The following WDR62 variants were observed in gnomAD, a reference collection of about 807,000 sequenced individuals.
WDR62 encodes WD repeat domain 62, also known as WD repeat-containing protein 62.
WDR62 carries 112 observed loss-of-function variants against 160.6 expected under a neutral mutation model. The observed-to-expected ratio is 0.70, with a 90% CI of 0.60 to 0.82. The LOEUF (loss-of-function observed/expected upper bound fraction) is 0.82, where lower values mean the gene tolerates loss of function less well. Among genes scored for constraint, WDR62 ranks in the 40% least tolerant of loss-of-function variants. The probability of loss-of-function intolerance (pLI) is 0.00; values close to 1 mark genes in which losing one functional copy is unlikely to be tolerated. For synonymous variants in WDR62, 792 were observed against 815.1 expected (o/e 0.97, Z 0.48); for missense variants, 1,819 against 1,983.8 (o/e 0.92, Z 1.58).
At chr19:36,083,586 C>G (rs1972033205) in intron 11 of WDR62, among the ~76,000 whole-genome samples, 1 of 152,104 alleles carries the variant, frequency 6.6e-6, no homozygotes, top group African/African-American at 2.4e-5. Context: ...GGAGGAGGGT[C>G]CTGGTGGCTC....
At chr19:36,111,054 C>T in the WDR62 span, 5 of 742,396 alleles carry the variant, frequency 6.7e-6, no homozygotes, top group Non-Finnish European at 1.1e-5. Flanking sequence ...CAGCTTAGTC[C>T]ACTCCCAGGG....
At chr19:36,088,197 T>G (rs756509246) in intron 13 of WDR62, among the ~76,000 whole-genome samples, 1 of 152,206 alleles carries the variant, frequency 6.6e-6, no homozygotes, top group African/African-American at 2.4e-5. Flanking sequence ...TTTATATTTG[T>G]TCTGTCATTT....
At chr19:36,064,222 A>G (rs199503328) in intron 3 of WDR62, among the ~76,000 whole-genome samples, 2 of 152,324 alleles carry the variant, frequency 1.3e-5, no homozygotes, top group Middle Eastern at 3.4e-3. Context: ...CCTGCATGTC[A>G]TAAGTCCAGA....
intron 10 of WDR62, 111 bp from the exon 11 acceptor site, chr19:36,082,952 C>A: frequency 2.1e-6 from 2 of 934,188 alleles, no homozygotes; most frequent in Non-Finnish European, 3.4e-6. Flanking sequence ...AAACTCCCAG[C>A]TCAAAATTAG....
downstream of WDR62, among the ~76,000 whole-genome samples, chr19:36,105,924 C>T (rs1211508043): frequency 1.3e-5 from 2 of 152,212 alleles, no homozygotes; most frequent in East Asian, 3.9e-4. Flanking sequence ...GTCTCAAACT[C>T]CTGACCTTGG....
intron 1 of WDR62, among the ~76,000 whole-genome samples, chr19:36,057,580 T>C (rs1970434460): frequency 6.6e-6 from 1 of 151,734 alleles, no homozygotes; most frequent in South Asian, 2.1e-4. Context: ...AATGGTGCCA[T>C]CTCAGCTCAC....
At chr19:36,064,463 T>C (rs1219621619) in intron 3 of WDR62, among the ~76,000 whole-genome samples, 1 of 151,720 alleles carries the variant, frequency 6.6e-6, no homozygotes, top group African/African-American at 2.4e-5. Context: ...GTATTTTTAG[T>C]ATAGACAGGG....
downstream of WDR62, among the ~76,000 whole-genome samples, chr19:36,107,114 C>A (rs1362553875): frequency 6.6e-6 from 1 of 152,192 alleles, no homozygotes; most frequent in Non-Finnish European, 1.5e-5. Context: ...AAACACCTGG[C>A]TTTCAGGGCC....
At chr19:36,101,845 C>G in intron 25 of WDR62, 71 bp downstream of exon 25, 1 of 1,498,222 alleles carries the variant, frequency 6.7e-7, no homozygotes, top group Non-Finnish European at 9.1e-7. Flanking sequence ...AATGTCTAAG[C>G]ACAGGCCCTG....
intron 30 of WDR62, 128 bp from the exon 31 acceptor site, chr19:36,104,390 G>A (rs926777502): frequency 1.6e-6 from 2 of 1,219,340 alleles, no homozygotes; most frequent in Non-Finnish European, 2.3e-6. Flanking sequence ...GGAGTGAAGG[G>A]GAGGGAGCCT....
chr19:36,090,715 G>A (rs2145779297), intron 16 of WDR62, among the ~76,000 whole-genome samples, 195 bp downstream of exon 16: 1 of 152,298 alleles, frequency 6.6e-6, no homozygotes, highest in African/African-American at 2.4e-5. Context: ...TATTTACAGA[G>A]CCCTTCCCCA....
intron 26 of WDR62, 25 bp from the exon 27 acceptor site, chr19:36,102,712 G>A: frequency 6.2e-7 from 1 of 1,609,612 alleles, no homozygotes; most frequent in Non-Finnish European, 8.5e-7. Flanking sequence ...AGGGTTATGA[G>A]GGTCCCCTCG....
In WDR62 at chr19:36,103,070, C is replaced by A; in HGVS notation, c.3458C>A (p.Thr1153Asn). ...AGTGYASPDR[T>N]HVLAAGKAEE... is the part of the protein sequence containing the mutation. ...ACTGGCTACGCCTCCCCAGACAGGA[C>A]CCACGTGAGTATTGGGCCCACCTCC... The change falls in exon 28 of 32, where the codon ACC becomes AAC. Residue 1153 changes from threonine to asparagine, a missense_variant. Coordinates refer to ENST00000401500, the MANE Select transcript of WDR62 (RefSeq NM_001083961.2). The A allele has an allele frequency of 6.2e-7, 1 of 1,614,070 alleles. No homozygotes were observed. Among genetic ancestry groups the A allele is most frequent in the Non-Finnish European group, 8.5e-7 (1 of 1,180,042 alleles).
chr19:36,067,212 G>T (rs533262483), intron 5 of WDR62, 94 bp from the exon 6 acceptor site: 1 of 1,555,010 alleles, frequency 6.4e-7, no homozygotes, highest in Non-Finnish European at 8.8e-7. Flanking sequence ...GACTTGGAGT[G>T]GGGACGAGCA....
Position 36,088,980 on chromosome 19 carries a change from A to G in WDR62, c.1769-58A>G, listed in dbSNP as rs558812123. 3.8e-6 allele frequency: 6 copies of G among 1,587,212 alleles called. No individual in the cohort carries two copies. The African/African-American group carries it at 5.4e-5, about 14-fold the overall frequency. On this transcript the variant is annotated intron_variant, in intron 13 of 31. Transcript: ENST00000401500. ...GCTCTTGCAGTGGAGTTCCCCAGCT[A>G]GGGTCCCCTGCCCATGTGGCCCAGC...
intron 20 of WDR62, 81 bp downstream of exon 20, chr19:36,094,245 C>T (rs1198055771): frequency 6.4e-7 from 1 of 1,574,038 alleles, no homozygotes; most frequent in Non-Finnish European, 8.7e-7. Flanking sequence ...GTTTACAGGG[C>T]CTGGCACATA....
Position 36,103,335 on chromosome 19 carries a change from C to T in WDR62, c.3515-8C>T, listed in dbSNP as rs776200217. On this transcript the variant is annotated splice_region_variant and splice_polypyrimidine_tract_variant and intron_variant, in intron 29 of 31. Coordinates refer to ENST00000401500, the MANE Select transcript of WDR62 (RefSeq NM_001083961.2). The stretch of plus-strand genomic sequence containing the variant: ...TGGTGGAGTCAGTGCCATCTGCTTC[C>T]GTTACAGCTCCCTGCCTTACGAGCC... 15 of 1,613,760 alleles carry T rather than the reference C, an allele frequency of 9.3e-6. 1 individual carries two copies. The highest frequency in any genetic ancestry group is 7.7e-5 in the South Asian group (7 of 91,082).
rs776871058 is a variant in WDR62 at position 36,092,666 on chromosome 19, G to T, written c.2211-23G>T. 5 of 1,613,898 alleles carry T rather than the reference G, an allele frequency of 3.1e-6. No individual in the cohort carries two copies. The East Asian group carries it at 1.1e-4, about 36-fold the overall frequency. On this transcript the variant is annotated intron_variant, in intron 18 of 31. Transcript: ENST00000401500. ...CATGCTTACTCTTCCTCTGCCTTGT[G>T]TGTCTCTCTTTGACCTCCGCAGCTG... is the stretch of plus-strand genomic sequence containing the variant.
At chr19:36,078,487 T>C (rs924902084) in intron 9 of WDR62, among the ~76,000 whole-genome samples, 2 of 152,084 alleles carry the variant, frequency 1.3e-5, no homozygotes, top group African/African-American at 4.8e-5. Flanking sequence ...TTTCTGAGTT[T>C]TTGTAGGTTG....
Sources: allele counts gnomAD v4.1 joint callset (sites outside exome capture counted in the v4.1 genomes callset), GRCh38; gene constraint gnomAD v4.1.1; transcripts MANE v1.5; gene names NCBI Gene and HGNC (gene_info 2026-07-23, HGNC 2026-07-21).